Variants in SMC1B observed in about 807,000 individuals in gnomAD.
SMC1B encodes the protein structural maintenance of chromosomes 1B.
Under a neutral mutation model 157.9 loss-of-function variants are expected in SMC1B, and 60 were observed. The observed-to-expected ratio is 0.38, with a 90% CI of 0.31 to 0.47. The LOEUF is 0.47. SMC1B is among the 20% of genes least tolerant of loss of function. SMC1B has a pLI of 0.99. For missense variants in SMC1B, 1,165 were observed against 1,426.2 expected (o/e 0.82, Z 2.95); for synonymous variants, 445 against 483.0 (o/e 0.92, Z 1.03).
chr22:45,349,527 A>G lies in SMC1B; in HGVS notation c.3495+201T>C, dbSNP rs71328694. Among the ~76,000 whole-genome samples the G allele has an allele frequency of 2.8e-4, 2 of 7,084 alleles. 1 individual carries two copies. Among genetic ancestry groups the G allele is most frequent in the African/African-American group, 1.9e-3 (2 of 1,072 alleles). The allele number at this position is 7,084 out of a possible 152,430, so 4.6% of individuals were successfully genotyped here. ...ATTTTTGTATTTTTAGTAGAGACGG[A>G]GATTCACCATGTTGGTCAGGCTGGT... On this transcript the variant is annotated intron_variant, in intron 23 of 24. Transcript: ENST00000357450.
At chr22:45,389,971 T>C in intron 9 of SMC1B, 74 bp from the exon 10 acceptor site, 3 of 1,280,894 alleles carry the variant, frequency 2.3e-6, no homozygotes, top group Non-Finnish European at 3.3e-6. Flanking sequence ...TTTTCTAATG[T>C]AACAAAGTAG....
At position 45,393,767 on chromosome 22, in the gene SMC1B, G is replaced by C; in HGVS notation, c.1412C>G (p.Ser471Cys). The C allele has an allele frequency of 1.2e-6, 2 of 1,613,622 alleles. No individual in the cohort carries two copies. Among genetic ancestry groups the C allele is most frequent in the Non-Finnish European group, 1.7e-6 (2 of 1,179,700 alleles). ...DEIEKTKSRM[S>C]EVNEELNLIR... is the part of the protein sequence containing the mutation. ...AAGATTCAATTCTTCATTAACTTCA[G>C]ACATTCTTGATTTTGTTTTTTCAAT... is the stretch of plus-strand genomic sequence containing the variant. Residue 471 changes from serine to cysteine, a missense_variant, in exon 9 of 25, where the codon TCT (serine) becomes TGT (cysteine). Coordinates refer to ENST00000357450, the MANE Select transcript of SMC1B (RefSeq NM_148674.5).
chr22:45,358,672 TAAAC>T, intron 19 of SMC1B, 21 bp downstream of exon 19: 4 of 1,371,526 alleles, frequency 2.9e-6, no homozygotes, highest in Non-Finnish European at 4.1e-6. Flanking sequence ...CTGTGAGTGA[TAAAC>T]AACAGAAAGC....
chr22:45,398,043 C>T (rs957578523), intron 6 of SMC1B, among the ~76,000 whole-genome samples: 2 of 152,122 alleles, frequency 1.3e-5, no homozygotes, highest in Non-Finnish European at 2.9e-5. Context: ...GTGGTGGGGC[C>T]GAGCAAGCCC....
intron 6 of SMC1B, among the ~76,000 whole-genome samples, chr22:45,397,808 G>C (rs2087142692): frequency 6.6e-6 from 1 of 152,172 alleles, no homozygotes; most frequent in Non-Finnish European, 1.5e-5. Context: ...CCTGACTTCA[G>C]GTAGTGGATG....
intron 2 of SMC1B, among the ~76,000 whole-genome samples, chr22:45,407,360 T>C (rs2087273444): frequency 6.6e-6 from 1 of 152,196 alleles, no homozygotes. Flanking sequence ...ACAATATAAA[T>C]TGATAGCTTA....
rs746750994 is a variant in SMC1B, at chr22:45,372,245, C to G, written c.2106G>C (p.Gln702His). The G allele has an allele frequency of 6.2e-6, 10 of 1,610,070 alleles. No individual in the cohort carries two copies. The highest frequency in any genetic ancestry group is 7.6e-6 in the Non-Finnish European group (9 of 1,178,122). Reference sequence around the variant, plus strand: ...GTGTTTGAGTTCCCTGTATCAGGGTCTGTATTTGTTTCAAATCTGTTTCTT... The same window carrying G: ...GTGTTTGAGTTCCCTGTATCAGGGTGTGTATTTGTTTCAAATCTGTTTCTT... Reference protein sequence around the residue: ...LRKETDLKQIQTLIQGTQTRL... With the variant: ...LRKETDLKQIHTLIQGTQTRL... Residue 702 changes from glutamine (Q) to histidine (H), a missense_variant, in exon 13 of 25, where the codon CAG becomes CAC. Coordinates refer to ENST00000357450, the MANE Select transcript of SMC1B (RefSeq NM_148674.5).
intron 12 of SMC1B, among the ~76,000 whole-genome samples, chr22:45,372,714 G>GTTTTT (rs551576069): frequency 2.1e-4 from 14 of 66,576 alleles, no homozygotes; most frequent in African/African-American, 2.1e-3. Flanking sequence ...TTGACTCCAG[G>GTTTTT]TCTTTTTTTT....
rs1370077360 is a variant in SMC1B at position 45,344,583 on chromosome 22, G to C, written c.3681C>G (p.Ser1227Arg). The change falls in exon 25 of 25, where the codon AGC becomes AGG. Residue 1227 changes from serine to arginine, a missense_variant. Transcript: ENST00000357450. ...AGCGGGACTCTCCGTGTCTCTTGCT[G>C]CTTTCTTGGCCTTCAGTGTCTGGAT... ...SQYPDTEGQE[S>R]SKRHGESR 1.9e-6 allele frequency: 3 copies of C among 1,613,894 alleles called. No individual in the cohort carries two copies. Among genetic ancestry groups the C allele is most frequent in the Non-Finnish European group, 2.5e-6 (3 of 1,179,882 alleles).
chr22:45,376,704 G>C (rs2086886744), intron 12 of SMC1B, among the ~76,000 whole-genome samples: 1 of 135,090 alleles, frequency 7.4e-6, no homozygotes, highest in South Asian at 2.4e-4. Context: ...GATCACAGTG[G>C]CATTAAATAT....
chr22:45,365,870 C>T (rs2086770852), intron 15 of SMC1B, among the ~76,000 whole-genome samples: 1 of 152,006 alleles, frequency 6.6e-6, no homozygotes, highest in Non-Finnish European at 1.5e-5. Flanking sequence ...CTCCAAAATT[C>T]TAATAAAGGA....
chr22:45,350,333 A>G (rs2086600222), intron 22 of SMC1B, among the ~76,000 whole-genome samples: 1 of 150,544 alleles, frequency 6.6e-6, no homozygotes, highest in African/African-American at 2.5e-5. Context: ...GCTGGAGTGC[A>G]GTGGCACAAT....
intron 12 of SMC1B, among the ~76,000 whole-genome samples, chr22:45,379,226 G>A (rs1215012326): frequency 6.6e-6 from 1 of 152,232 alleles, no homozygotes; most frequent in African/African-American, 2.4e-5. Context: ...CTGGCCTCAA[G>A]TGATCCACCC....
chr22:45,404,483 C>T (rs1440857949), intron 4 of SMC1B, among the ~76,000 whole-genome samples: 1 of 152,200 alleles, frequency 6.6e-6, no homozygotes, highest in African/African-American at 2.4e-5. Context: ...AACTAAGAGT[C>T]CCATACCTTT....
At chr22:45,345,230 A>C (rs1002870984) in intron 24 of SMC1B, among the ~76,000 whole-genome samples, 1 of 152,228 alleles carries the variant, frequency 6.6e-6, no homozygotes, top group African/African-American at 2.4e-5. Flanking sequence ...AAACTATCCT[A>C]CTTACTGTTC....
intron 9 of SMC1B, among the ~76,000 whole-genome samples, chr22:45,390,836 T>C (rs1289563540): frequency 6.6e-6 from 1 of 152,304 alleles, no homozygotes; most frequent in South Asian, 2.1e-4. Flanking sequence ...TCAAGCATCA[T>C]GTATCAGTGG....
chr22:45,392,294 G>A (rs2087068755), intron 9 of SMC1B, among the ~76,000 whole-genome samples: 1 of 152,084 alleles, frequency 6.6e-6, no homozygotes, highest in Non-Finnish European at 1.5e-5. Flanking sequence ...ATACATGTGA[G>A]TTTGCTTCTT....
chr22:45,349,390 G>A (rs1360201596), intron 23 of SMC1B, among the ~76,000 whole-genome samples: 1 of 151,350 alleles, frequency 6.6e-6, no homozygotes, highest in African/African-American at 2.4e-5. Flanking sequence ...AGGCTGGAGT[G>A]CAGTGGTGCA....
chr22:45,344,522 G>A lies in SMC1B; in HGVS notation c.*34C>T, dbSNP rs1179563681. The A allele has an allele frequency of 6.8e-7, 1 of 1,475,782 alleles. No homozygotes were observed. Among genetic ancestry groups the A allele is most frequent in the African/African-American group, 1.4e-5 (1 of 72,178 alleles). 91.4% of individuals were successfully genotyped at this position (1,475,782 alleles called of 1,614,324 possible). A position where few individuals can be genotyped will look rare whatever the true frequency, so the allele number is the denominator to read the frequency against. On this transcript the variant is annotated 3_prime_UTR_variant, in exon 25 of 25. Coordinates refer to ENST00000357450, the MANE Select transcript of SMC1B (RefSeq NM_148674.5). ...CTGTGTGAGTATTAGAGTGGGAACT[G>A]AACAGTGATCAGGTGACTGCTGCAG...
Sources: gnomAD v4.1 joint callset for allele counts (sites outside exome capture counted in the v4.1 genomes callset) on GRCh38, gnomAD v4.1.1 for gene constraint, MANE v1.5 for transcripts, NCBI Gene and HGNC (gene_info 2026-07-23, HGNC 2026-07-21) for gene names.